PCDH9: variants seen among roughly 807,000 people sequenced by gnomAD.
PCDH9 encodes protocadherin 9.
In PCDH9, 24 loss-of-function variants were observed where a neutral mutation model predicts 70.6. That is an observed-to-expected ratio of 0.34 (90% CI 0.25 to 0.48). The LOEUF (loss-of-function observed/expected upper bound fraction) is 0.48, where lower values mean the gene tolerates loss of function less well. Ranked by LOEUF, PCDH9 falls within the 20% of genes least tolerant of loss-of-function variation. The probability of loss-of-function intolerance (pLI) is 0.99; values close to 1 mark genes in which losing one functional copy is unlikely to be tolerated. For missense variants in PCDH9, 1,281 were observed against 1,503.6 expected (o/e 0.85, Z 2.45); for synonymous variants, 562 against 558.5 (o/e 1.01, Z -0.09).
At chr13:66,640,530 GACACACACACAC>G (rs10579281) in intron 3 of PCDH9, among the ~76,000 whole-genome samples, 1 of 149,288 alleles carries the variant, frequency 6.7e-6, no homozygotes, top group Non-Finnish European at 1.5e-5. Flanking sequence ...CCCATGCAAA[GACACACACACAC>G]ACACACACAC....
At chr13:66,445,533 T>C (rs1037538121) in intron 4 of PCDH9, among the ~76,000 whole-genome samples, 5 of 140,056 alleles carry the variant, frequency 3.6e-5, no homozygotes, top group African/African-American at 5.6e-5. Context: ...TATATACACA[T>C]ATATATTATA....
intron 3 of PCDH9, among the ~76,000 whole-genome samples, chr13:66,808,605 C>A (rs1008773928): frequency 2.2e-4 from 33 of 152,256 alleles, no homozygotes; most frequent in African/African-American, 7.5e-4. Flanking sequence ...TCCTTCAAAT[C>A]CCAGATGATT....
At chr13:66,426,677 A>C (rs981255263) in intron 4 of PCDH9, among the ~76,000 whole-genome samples, 1 of 151,624 alleles carries the variant, frequency 6.6e-6, no homozygotes, top group Non-Finnish European at 1.5e-5. Context: ...TGGCATTTAT[A>C]AAAGGCCAAC....
rs117437044 is a variant in PCDH9 at position 67,188,197 on chromosome 13, G to A, written c.3036+37208C>T. Among the ~76,000 whole-genome samples the A allele has an allele frequency of 1.6e-3, 245 of 152,254 alleles. 1 individual carries two copies. The highest frequency in any genetic ancestry group is 2.8e-3 in the Admixed American group (43 of 15,286). ...ATCATGCGAATTTCTGTGTATGTAT[G>A]TGAGATTTCTGAGTTTACTGAAATG... On this transcript the variant is annotated intron_variant, in intron 2 of 4. Transcript: ENST00000377865.
chr13:67,175,298 G>A (rs1467271862), intron 2 of PCDH9, among the ~76,000 whole-genome samples: 1 of 152,048 alleles, frequency 6.6e-6, no homozygotes, highest in African/African-American at 2.4e-5. Context: ...CAGAAATAAA[G>A]GAAACTTACT....
chr13:66,871,933 T>A (rs2139510832), intron 3 of PCDH9, among the ~76,000 whole-genome samples: 1 of 152,266 alleles, frequency 6.6e-6, no homozygotes, highest in South Asian at 2.1e-4. Flanking sequence ...TTTATCTCTA[T>A]GGAATACCTT....
chr13:66,775,054 T>A lies in PCDH9; in HGVS notation c.3138+128450A>T, dbSNP rs1296208120. Among the ~76,000 whole-genome samples, 3 of 152,218 alleles carry A rather than the reference T, an allele frequency of 2.0e-5. No individual in the cohort carries two copies. In the South Asian group the frequency reaches 6.2e-4, roughly 31 times the overall value. On this transcript the variant is annotated intron_variant, in intron 3 of 4. Transcript: ENST00000377865. ...TTTTTTATGCTGATTACTGCTAATG[T>A]TTCACAAAAGAAAGTGCATTTTACC...
chr13:67,226,671 A>G lies in PCDH9; in HGVS notation c.1770T>C (p.Thr590=), dbSNP rs2138142161. ...FVSENLPKYS[T]VGVITVTDAD... is the part of the protein sequence containing the mutation. The stretch of plus-strand genomic sequence containing the variant: ...CATCTGTCACTGTGATTACCCCCAC[A>G]GTACTATACTTTGGCAGATTCTCAG... The change falls in exon 2 of 5, where the codon ACT becomes ACC. Residue 590 remains threonine (T), a synonymous_variant. Coordinates refer to ENST00000377865, the MANE Select transcript of PCDH9 (RefSeq NM_203487.3). The surrounding 1 kb of genome is among the most constrained non-coding windows in gnomAD (Gnocchi z 5.0). 11 of 1,614,004 alleles carry G rather than the reference A, an allele frequency of 6.8e-6. No homozygotes were observed. Among genetic ancestry groups the G allele is most frequent in the Non-Finnish European group, 9.3e-6 (11 of 1,179,832 alleles).
chr13:66,838,373 T>TAAA (rs1358450019), intron 3 of PCDH9, among the ~76,000 whole-genome samples: 9 of 150,098 alleles, frequency 6.0e-5, no homozygotes, highest in African/African-American at 2.2e-4. Flanking sequence ...ATTCTTTTTT[T>TAAA]AAAAAAAAAA....
chr13:67,209,632 G>A (rs1439350584), intron 2 of PCDH9: 1 of 152,124 alleles, frequency 6.6e-6, no homozygotes, highest in Non-Finnish European at 1.5e-5. Context: ...TATTAGACGA[G>A]TAAGTATTCC....
At chr13:66,605,702 T>A (rs1166082234) in intron 4 of PCDH9, among the ~76,000 whole-genome samples, 1 of 152,170 alleles carries the variant, frequency 6.6e-6, no homozygotes, top group Admixed American at 6.5e-5. Flanking sequence ...TTTTGCCAGA[T>A]GAATCAACAT....
intron 4 of PCDH9, among the ~76,000 whole-genome samples, chr13:66,581,675 C>G (rs1388726535): frequency 6.6e-6 from 1 of 152,174 alleles, no homozygotes; most frequent in Non-Finnish European, 1.5e-5. Context: ...ATTTCAATTT[C>G]ATCCACAAAA....
chr13:67,060,352 G>C (rs765946514), intron 2 of PCDH9, among the ~76,000 whole-genome samples: 1 of 151,978 alleles, frequency 6.6e-6, no homozygotes, highest in African/African-American at 2.4e-5. Context: ...TTCCCCACAC[G>C]CTCACATCTT....
intron 4 of PCDH9, among the ~76,000 whole-genome samples, chr13:66,318,056 T>C (rs1955685571): frequency 2.0e-5 from 3 of 152,134 alleles, no homozygotes; most frequent in Non-Finnish European, 4.4e-5. Context: ...GCCTGTATAA[T>C]AGAGTTTGTA....
chr13:67,118,004 A>G (rs2086810174), intron 2 of PCDH9, among the ~76,000 whole-genome samples: 1 of 152,170 alleles, frequency 6.6e-6, no homozygotes, highest in South Asian at 2.1e-4. Context: ...ATAAATAAAA[A>G]ATGACTTTAA....
intron 2 of PCDH9, among the ~76,000 whole-genome samples, chr13:66,973,265 G>C (rs1415349640): frequency 3.3e-5 from 5 of 151,928 alleles, no homozygotes; most frequent in Non-Finnish European, 7.4e-5. Context: ...TGAACACTAT[G>C]ATGCCTTTTG....
intron 2 of PCDH9, among the ~76,000 whole-genome samples, chr13:67,034,962 A>C (rs746338035): frequency 6.6e-6 from 1 of 152,096 alleles, no homozygotes; most frequent in Non-Finnish European, 1.5e-5. Context: ...TATGAATATC[A>C]TGGTCCCAAA....
At chr13:66,972,572 G>A (rs932224195) in intron 2 of PCDH9, among the ~76,000 whole-genome samples, 13 of 151,840 alleles carry the variant, frequency 8.6e-5, no homozygotes, top group Non-Finnish European at 2.9e-5. Flanking sequence ...GCATATCTGT[G>A]ATTTTTTAAA....
chr13:66,722,627 A>G (rs1450280213), intron 3 of PCDH9, among the ~76,000 whole-genome samples: 1 of 152,080 alleles, frequency 6.6e-6, no homozygotes, highest in Non-Finnish European at 1.5e-5. Context: ...TTAGTGGGGT[A>G]GCCATTTTCT....
Sources: gnomAD v4.1 joint callset for allele counts (sites outside exome capture counted in the v4.1 genomes callset) on GRCh38, gnomAD v4.1.1 for gene constraint, Gnocchi (gnomAD v3.1) non-coding constraint, MANE v1.5 for transcripts, NCBI Gene and HGNC (gene_info 2026-07-23, HGNC 2026-07-21) for gene names.